TYR: variants seen among roughly 807,000 people sequenced by gnomAD.
The protein encoded by TYR is tyrosinase.
A neutral mutation model predicts 51.5 loss-of-function variants in TYR; 58 were observed. The ratio of observed to expected loss-of-function variants is 1.13; its 90% confidence interval spans 0.91 to 1.40. The LOEUF (loss-of-function observed/expected upper bound fraction) is 1.40. Among genes scored for constraint, TYR ranks in the 40% most tolerant of loss-of-function variants. The probability of loss-of-function intolerance (pLI) is 0.00; values close to 1 mark genes in which losing one functional copy is unlikely to be tolerated. For missense variants in TYR, 732 were observed against 647.4 expected (o/e 1.13, Z -1.42); for synonymous variants, 263 against 235.2 (o/e 1.12, Z -1.08).
At chr11:89,249,701 G>A (rs1186045221) in intron 3 of TYR, among the ~76,000 whole-genome samples, 1 of 151,994 alleles carries the variant, frequency 6.6e-6, no homozygotes, top group African/African-American at 2.4e-5. Context: ...GTGGGAAGCA[G>A]GAAAGAGGAT....
At chr11:89,286,119 A>G (rs1944783447) in intron 4 of TYR, among the ~76,000 whole-genome samples, 1 of 151,810 alleles carries the variant, frequency 6.6e-6, no homozygotes, top group South Asian at 2.1e-4. Context: ...AAAGAGTCAT[A>G]AAGAAAATCC....
At position 89,188,270 on chromosome 11, in the gene TYR, C is replaced by T. The variant is rs138457703; in HGVS notation, c.820-2932C>T. Among the ~76,000 whole-genome samples, 8 of 151,806 alleles carry T rather than the reference C, an allele frequency of 5.3e-5. No individual in the cohort carries two copies. The East Asian group carries it at 1.4e-3, about 26-fold the overall frequency. On this transcript the variant is annotated intron_variant, in intron 1 of 4. Coordinates refer to ENST00000263321, the MANE Select transcript of TYR (RefSeq NM_000372.5). Reference sequence around the variant, plus strand: ...ATGACCATACTTATTAGACTGTAAACTCTATAAAAATAAAAACTATGTTTA... The same window carrying T: ...ATGACCATACTTATTAGACTGTAAATTCTATAAAAATAAAAACTATGTTTA...
chr11:89,241,465 G>A (rs1944193183), intron 3 of TYR, among the ~76,000 whole-genome samples: 2 of 151,956 alleles, frequency 1.3e-5, no homozygotes, highest in South Asian at 2.1e-4. Context: ...AATACGATAT[G>A]TGTCTGATAA....
At chr11:89,212,454 C>G (rs917443985) in intron 2 of TYR, among the ~76,000 whole-genome samples, 4 of 152,038 alleles carry the variant, frequency 2.6e-5, no homozygotes, top group African/African-American at 9.7e-5. Context: ...AATAGCCTAC[C>G]AACTAAAAAA....
intron 2 of TYR, among the ~76,000 whole-genome samples, chr11:89,196,680 G>A (rs914435808): frequency 6.6e-6 from 1 of 152,130 alleles, no homozygotes; most frequent in Non-Finnish European, 1.5e-5. Context: ...AACAAATGCA[G>A]TTTATGACTA....
At chr11:89,239,242 AT>A (rs1235157622) in intron 3 of TYR, among the ~76,000 whole-genome samples, 4 of 151,950 alleles carry the variant, frequency 2.6e-5, no homozygotes, top group Non-Finnish European at 5.9e-5. Flanking sequence ...TTTATTACTA[AT>A]TCACTCTCTG....
At chr11:89,183,433 GA>G (rs1269040439) in intron 1 of TYR, among the ~76,000 whole-genome samples, 5 of 152,004 alleles carry the variant, frequency 3.3e-5, no homozygotes, top group Admixed American at 6.6e-5. Flanking sequence ...GAAAAAAAAT[GA>G]GGTAGAATTA....
intron 2 of TYR, among the ~76,000 whole-genome samples, chr11:89,224,093 A>G (rs1943946808): frequency 6.6e-6 from 1 of 152,142 alleles, no homozygotes; most frequent in Admixed American, 6.6e-5. Context: ...GCAGGTTTCT[A>G]CAGAACAATG....
At chr11:89,248,593 C>T (rs762355636) in intron 3 of TYR, among the ~76,000 whole-genome samples, 6 of 152,010 alleles carry the variant, frequency 3.9e-5, no homozygotes, top group Admixed American at 1.3e-4. Flanking sequence ...GAACTTGGTG[C>T]AATATGAGAT....
intron 2 of TYR, among the ~76,000 whole-genome samples, chr11:89,218,704 T>C (rs1349670043): frequency 6.6e-6 from 1 of 151,934 alleles, no homozygotes; most frequent in Non-Finnish European, 1.5e-5. Context: ...ATTATCTTAA[T>C]TATTCTTCTT....
chr11:89,274,451 A>G (rs1468706903), intron 3 of TYR, among the ~76,000 whole-genome samples: 1 of 151,920 alleles, frequency 6.6e-6, no homozygotes, highest in Non-Finnish European at 1.5e-5. Context: ...TGGCTCCTAT[A>G]TTAAGCTGTA....
chr11:89,210,418 A>G (rs1036587595), intron 2 of TYR, among the ~76,000 whole-genome samples: 1 of 152,146 alleles, frequency 6.6e-6, no homozygotes, highest in African/African-American at 2.4e-5. Context: ...AGACAAGATT[A>G]GAGAAAAAAG....
chr11:89,253,221 A>G (rs557563090), intron 3 of TYR, among the ~76,000 whole-genome samples: 2 of 151,908 alleles, frequency 1.3e-5, no homozygotes, highest in South Asian at 2.1e-4. Flanking sequence ...TTCTTAGCCT[A>G]TAAGCATTGC....
At chr11:89,188,040 TATA>T (rs1008993567) in intron 1 of TYR, among the ~76,000 whole-genome samples, 23 of 150,692 alleles carry the variant, frequency 1.5e-4, no homozygotes, top group Admixed American at 9.3e-4. Flanking sequence ...AAACATTATA[TATA>T]ATATTTTATT....
chr11:89,228,059 C>T (rs749838798), intron 3 of TYR, 89 bp downstream of exon 3: 14 of 1,521,770 alleles, frequency 9.2e-6, no homozygotes, highest in Non-Finnish European at 1.3e-5. Context: ...TAAATAAAAG[C>T]TAAGAAGTTA....
intron 3 of TYR, among the ~76,000 whole-genome samples, chr11:89,240,124 T>C (rs1944172200): frequency 6.6e-6 from 1 of 152,120 alleles, no homozygotes; most frequent in South Asian, 2.1e-4. Context: ...TCAGGATGAA[T>C]AGCTAATGGG....
intron 2 of TYR, among the ~76,000 whole-genome samples, chr11:89,224,909 T>G (rs531706961): frequency 9.1e-5 from 13 of 143,090 alleles, no homozygotes; most frequent in Non-Finnish European, 1.6e-4. Context: ...TGTCAGTTGA[T>G]GGATCAAATT....
chr11:89,282,643 T>C (rs907971420), intron 3 of TYR, among the ~76,000 whole-genome samples: 17 of 151,954 alleles, frequency 1.1e-4, no homozygotes, highest in African/African-American at 3.1e-4. Flanking sequence ...TATAAAATCA[T>C]AGGACTTTAA....
At chr11:89,196,839 C>T (rs191263849) in intron 2 of TYR, among the ~76,000 whole-genome samples, 20 of 152,200 alleles carry the variant, frequency 1.3e-4, no homozygotes, top group Non-Finnish European at 2.9e-4. Context: ...TTAGGCTAAA[C>T]CAAAATCTAA....
Sources: allele counts gnomAD v4.1 joint callset (sites outside exome capture counted in the v4.1 genomes callset), GRCh38; gene constraint gnomAD v4.1.1; transcripts MANE v1.5; gene names NCBI Gene and HGNC (gene_info 2026-07-23, HGNC 2026-07-21).